The following MLLT10 variants were observed in gnomAD, a reference collection of about 807,000 sequenced individuals.
MLLT10 encodes MLLT10 histone lysine methyltransferase DOT1L cofactor.
In MLLT10, 30 loss-of-function variants were observed where a neutral mutation model predicts 129.1. That is an observed-to-expected ratio of 0.23 (90% CI 0.17 to 0.32). The LOEUF (loss-of-function observed/expected upper bound fraction) is 0.32. MLLT10 is among the 10% of genes least tolerant of loss of function. The probability of loss-of-function intolerance (pLI) is 1.00; values close to 1 mark genes in which losing one functional copy is unlikely to be tolerated. For synonymous variants in MLLT10, 490 were observed against 446.4 expected (o/e 1.10, Z -1.23); for missense variants, 1,119 against 1,268.3 (o/e 0.88, Z 1.79).
In MLLT10 at chr10:21,720,761, T is replaced by A. The variant is rs368145472; in HGVS notation, c.1879-5483T>A. ...ATAATTGGTAAGTTGTATTTTCTAA[T>A]AATTTTAATGGAAAAATAGAAACCA... On this transcript the variant is annotated intron_variant, in intron 14 of 22. Coordinates refer to ENST00000307729, the MANE Select transcript of MLLT10 (RefSeq NM_001195626.3). Among the ~76,000 whole-genome samples the A allele has an allele frequency of 2.6e-5, 4 of 152,364 alleles. No individual in the cohort carries two copies. The East Asian group carries it at 7.7e-4, about 29-fold the overall frequency.
chr10:21,594,156 T>C (rs1237159496), intron 4 of MLLT10, among the ~76,000 whole-genome samples: 1 of 152,018 alleles, frequency 6.6e-6, no homozygotes, highest in Non-Finnish European at 1.5e-5. Context: ...AGTTTGCCCT[T>C]CAGTGTTGCA....
intron 8 of MLLT10, among the ~76,000 whole-genome samples, chr10:21,649,318 C>A (rs1168749990): frequency 6.6e-6 from 1 of 152,178 alleles, no homozygotes; most frequent in Admixed American, 6.5e-5. Flanking sequence ...CTTAAGTGAT[C>A]CTCCTGCCTT....
At chr10:21,672,151 C>T (rs1372274807) in intron 10 of MLLT10, among the ~76,000 whole-genome samples, 21 of 146,290 alleles carry the variant, frequency 1.4e-4, no homozygotes, top group Non-Finnish European at 1.5e-5. Flanking sequence ...ACACACTAAC[C>T]TGTTTTCCAG....
chr10:21,544,118 T>C (rs1004253073), intron 3 of MLLT10, among the ~76,000 whole-genome samples: 2 of 152,192 alleles, frequency 1.3e-5, no homozygotes, highest in African/African-American at 4.8e-5. Context: ...ATTCTTACTT[T>C]ATGGGTAAGG....
intron 14 of MLLT10, among the ~76,000 whole-genome samples, chr10:21,720,821 T>TA (rs1193044677): frequency 6.6e-6 from 1 of 152,208 alleles, no homozygotes; most frequent in East Asian, 1.9e-4. Flanking sequence ...AAAGTTAAGC[T>TA]AAAATATGAG....
At chr10:21,741,888 A>G (rs1431322516) in intron 22 of MLLT10, 51 bp from the exon 23 acceptor site, 2 of 1,571,190 alleles carry the variant, frequency 1.3e-6, no homozygotes, top group East Asian at 4.5e-5. Flanking sequence ...TTCGGAGAAT[A>G]TTATCAAAAG....
intron 21 of MLLT10, among the ~76,000 whole-genome samples, 160 bp from the exon 22 acceptor site, chr10:21,739,870 G>T (rs535211264): frequency 6.6e-6 from 1 of 152,248 alleles, no homozygotes; most frequent in African/African-American, 2.4e-5. Context: ...TTTTATAGTA[G>T]ATGGTTATTA....
intron 11 of MLLT10, among the ~76,000 whole-genome samples, chr10:21,678,163 G>T (rs1472210109): frequency 6.6e-6 from 1 of 151,914 alleles, no homozygotes; most frequent in Non-Finnish European, 1.5e-5. Context: ...AGAGTGTAGT[G>T]GCCTGATCTC....
chr10:21,613,782 G>A (rs1427188846), intron 6 of MLLT10, among the ~76,000 whole-genome samples: 1 of 152,060 alleles, frequency 6.6e-6, no homozygotes, highest in Non-Finnish European at 1.5e-5. Flanking sequence ...AAGCATGCCT[G>A]TAATCCCAGC....
chr10:21,534,516 C>T lies in MLLT10; in HGVS notation c.-5C>T. 1 of 1,021,228 alleles carries T rather than the reference C, an allele frequency of 9.8e-7. No homozygotes were observed. The highest frequency in any genetic ancestry group is 1.7e-5 in the South Asian group (1 of 60,274). 63.3% of individuals were successfully genotyped at this position (1,021,228 alleles called of 1,614,324 possible). ...GAACGTGAGTGACTGAGCGGCAAAG[C>T]CCGAGTGAGCGAGCGGTGGGCTGCC... On this transcript the variant is annotated 5_prime_UTR_variant, in exon 1 of 23. Coordinates refer to ENST00000307729, the MANE Select transcript of MLLT10 (RefSeq NM_001195626.3).
chr10:21,621,163 T>A (rs868343057), intron 8 of MLLT10, among the ~76,000 whole-genome samples: 2 of 149,098 alleles, frequency 1.3e-5, no homozygotes, highest in South Asian at 4.3e-4. Flanking sequence ...TTTTGTATTT[T>A]TTTTTTTTTT....
Position 21,673,729 on chromosome 10 carries a change from G to T in MLLT10, c.1431G>T (p.Gly477=), listed in dbSNP as rs768157647. The T allele has an allele frequency of 4.3e-6, 7 of 1,614,074 alleles. No individual in the cohort carries two copies. The Admixed American group carries it at 8.3e-5, about 19-fold the overall frequency. ...AAGGAAATAAACAAAGTAAGCATGG[G>T]CCTGGCAGACCCAAAGGAAACAAAA... The part of the protein sequence containing the change: ...KRKGNKQSKH[G]PGRPKGNKNQ... Residue 477 remains glycine, a synonymous_variant, in exon 11 of 23, where the codon GGG becomes GGT. Coordinates refer to ENST00000307729, the MANE Select transcript of MLLT10 (RefSeq NM_001195626.3).
rs778790680 is a variant in MLLT10 at position 21,742,077 on chromosome 10, C to A, written c.*94C>A. On this transcript the variant is annotated 3_prime_UTR_variant, in exon 23 of 23. Coordinates refer to ENST00000307729, the MANE Select transcript of MLLT10 (RefSeq NM_001195626.3). Reference sequence around the variant, plus strand: ...CTTTTACTACAGCTATGAAGAAACGCAACAAGAAACTCAATGCACAACAAA... The same window carrying A: ...CTTTTACTACAGCTATGAAGAAACGAAACAAGAAACTCAATGCACAACAAA... The A allele has an allele frequency of 3.1e-5, 34 of 1,086,702 alleles. No individual in the cohort carries two copies. The Middle Eastern group carries it at 6.0e-4, about 19-fold the overall frequency. The allele number at this position is 1,086,702 out of a possible 1,614,324, so 67.3% of individuals were successfully genotyped here. A position where few individuals can be genotyped will look rare whatever the true frequency, so the allele number is the denominator to read the frequency against.
chr10:21,603,570 T>C (rs969632930), intron 5 of MLLT10, among the ~76,000 whole-genome samples: 3 of 151,788 alleles, frequency 2.0e-5, no homozygotes, highest in Non-Finnish European at 2.9e-5. Flanking sequence ...CCTGTGTAGA[T>C]TCATCACCCA....
At chr10:21,547,042 G>C (rs1052959465) in intron 3 of MLLT10, among the ~76,000 whole-genome samples, 1 of 151,624 alleles carries the variant, frequency 6.6e-6, no homozygotes, top group Non-Finnish European at 1.5e-5. Context: ...GCTAATTTTT[G>C]TATTTTTAGT....
intron 5 of MLLT10, among the ~76,000 whole-genome samples, chr10:21,605,366 A>G (rs551239330): frequency 4.6e-5 from 7 of 152,344 alleles, no homozygotes; most frequent in African/African-American, 1.7e-4. Context: ...AACTGTAAGT[A>G]GAATGATTTT....
At chr10:21,706,238 A>ATG (rs1273357415) in intron 13 of MLLT10, among the ~76,000 whole-genome samples, 4 of 152,258 alleles carry the variant, frequency 2.6e-5, no homozygotes, top group Non-Finnish European at 5.9e-5. Flanking sequence ...ATTCATAATA[A>ATG]TGATGGGCAC....
In MLLT10 at chr10:21,570,700, A is replaced by C. The variant is rs544140330; in HGVS notation, c.241-15594A>C. ...TCAATTTAGAAGTTCAAATTTTAAAAATATTTCATATTTTTACTTAATATA... is the reference window on the plus strand; with the variant it reads ...TCAATTTAGAAGTTCAAATTTTAAACATATTTCATATTTTTACTTAATATA... On this transcript the variant is annotated intron_variant, in intron 3 of 22. Transcript: ENST00000307729. 5.3e-5 allele frequency among the ~76,000 whole-genome samples: 8 copies of C among 152,114 alleles called. No individual in the cohort carries two copies. In the East Asian group the frequency reaches 1.4e-3, roughly 26 times the overall value.
intron 4 of MLLT10, among the ~76,000 whole-genome samples, chr10:21,588,007 T>G (rs935378032): frequency 5.9e-5 from 9 of 152,240 alleles, no homozygotes; most frequent in Non-Finnish European, 1.0e-4. Context: ...TATACTCTTC[T>G]GCCTCTTAAT....
Sources: allele counts gnomAD v4.1 joint callset (sites outside exome capture counted in the v4.1 genomes callset), GRCh38; gene constraint gnomAD v4.1.1; transcripts MANE v1.5; gene names NCBI Gene and HGNC (gene_info 2026-07-23, HGNC 2026-07-21).